The following DOK5 variants were observed in gnomAD, a reference collection of about 807,000 sequenced individuals.
The protein encoded by DOK5 is downstream of tyrosine kinase 5.
Under a neutral mutation model 43.3 loss-of-function variants are expected in DOK5, and 27 were observed. The observed-to-expected ratio is 0.62, with a 90% CI of 0.46 to 0.86. The LOEUF (loss-of-function observed/expected upper bound fraction) is 0.86. Ranked by LOEUF, DOK5 falls within the 40% of genes least tolerant of loss-of-function variation. DOK5 has a pLI of 0.00. For synonymous variants in DOK5, 146 were observed against 140.1 expected, an observed-to-expected ratio of 1.04 and a Z score of -0.30; for missense variants, 373 against 392.9, an observed-to-expected ratio of 0.95 and a Z score of 0.43.
chr20:54,540,132 A>C (rs1007921349), intron 1 of DOK5, among the ~76,000 whole-genome samples: 1 of 151,914 alleles, frequency 6.6e-6, no homozygotes, highest in African/African-American at 2.4e-5. Flanking sequence ...TGGAAGCCCC[A>C]GGGAGATCAT....
At chr20:54,601,616 G>A (rs1409220067) in intron 5 of DOK5, among the ~76,000 whole-genome samples, 1 of 152,220 alleles carries the variant, frequency 6.6e-6, no homozygotes, top group African/African-American at 2.4e-5. Context: ...AAGTGATAGC[G>A]AAGGTCTCTG....
intron 1 of DOK5, among the ~76,000 whole-genome samples, chr20:54,553,896 C>CA (rs761243905): frequency 0.11 from 8,696 of 79,928 alleles, 455 homozygotes; most frequent in African/African-American, 0.14. Context: ...GACTCTGTCT[C>CA]AAAAAAAAAA....
chr20:54,475,982 G>A lies in DOK5; in HGVS notation c.36G>A (p.Gly12=), dbSNP rs1378890454. 1 of 1,613,526 alleles carries A rather than the reference G, an allele frequency of 6.2e-7. No individual in the cohort carries two copies. The highest frequency in any genetic ancestry group is 8.5e-7 in the Non-Finnish European group (1 of 1,179,950). ...ASNFNDIVKQ[G]YVRIRSRRLG... The stretch of plus-strand genomic sequence containing the variant: ...ATTTTAATGACATAGTGAAGCAAGG[G>A]TACGTGAGGATCCGGAGCAGACGCC... Residue 12 remains glycine, a synonymous_variant, in exon 1 of 8, where the codon GGG becomes GGA. Transcript: ENST00000262593. This position sits in a 1 kb window ranked among gnomAD's most constrained non-coding sequence, Gnocchi z 4.2.
chr20:54,516,550 G>T (rs138951110), intron 1 of DOK5, among the ~76,000 whole-genome samples: 2 of 152,136 alleles, frequency 1.3e-5, no homozygotes, highest in Non-Finnish European at 2.9e-5. Context: ...TATCTGAACT[G>T]TGTGTTCCCC....
At chr20:54,516,559 C>G (rs185646758) in intron 1 of DOK5, among the ~76,000 whole-genome samples, 90 of 152,214 alleles carry the variant, frequency 5.9e-4, no homozygotes, top group African/African-American at 2.1e-3. Flanking sequence ...TGTGTGTTCC[C>G]CTTATAACAT....
At chr20:54,539,743 C>T (rs1240469765) in intron 1 of DOK5, among the ~76,000 whole-genome samples, 1 of 152,128 alleles carries the variant, frequency 6.6e-6, no homozygotes, top group Non-Finnish European at 1.5e-5. Flanking sequence ...GTGAATGAAC[C>T]CAGCCATGAT....
At chr20:54,609,833 G>GA (rs970838435) in intron 5 of DOK5, among the ~76,000 whole-genome samples, 6 of 151,240 alleles carry the variant, frequency 4.0e-5, no homozygotes, top group East Asian at 1.9e-4. Context: ...CATGCTCATT[G>GA]AAAAAAAAAT....
At position 54,513,806 on chromosome 20, in the gene DOK5, A is replaced by C. The variant is rs1983098942; in HGVS notation, c.66+37794A>C. ...ATTTTTCAGGAGAAGAATTTTGAAT[A>C]AATGAATAAATACGAGAACAGTTTT... On this transcript the variant is annotated intron_variant, in intron 1 of 7. Coordinates refer to ENST00000262593, the MANE Select transcript of DOK5 (RefSeq NM_018431.5). Among the ~76,000 whole-genome samples, 3 of 152,244 alleles carry C rather than the reference A, an allele frequency of 2.0e-5. 1 individual carries two copies. The South Asian group carries it at 6.2e-4, about 31-fold the overall frequency.
At chr20:54,576,028 G>T (rs916262757) in intron 2 of DOK5, among the ~76,000 whole-genome samples, 89 of 152,118 alleles carry the variant, frequency 5.9e-4, no homozygotes, top group Non-Finnish European at 1.6e-4. Flanking sequence ...AGTTCCTGGA[G>T]AAACGATCAG....
intron 2 of DOK5, among the ~76,000 whole-genome samples, chr20:54,582,240 T>C (rs1445636310): frequency 1.3e-5 from 2 of 151,960 alleles, no homozygotes; most frequent in East Asian, 1.9e-4. Flanking sequence ...CCATTTAATA[T>C]GCTGCTGAAT....
At chr20:54,504,949 C>T (rs959789723) in intron 1 of DOK5, among the ~76,000 whole-genome samples, 2 of 152,092 alleles carry the variant, frequency 1.3e-5, no homozygotes, top group African/African-American at 4.8e-5. Flanking sequence ...GGCAGACCTA[C>T]TAACTGTGGA....
At chr20:54,647,496 A>G (rs938472568) in intron 7 of DOK5, among the ~76,000 whole-genome samples, 73 of 149,762 alleles carry the variant, frequency 4.9e-4, no homozygotes, top group Admixed American at 9.9e-4. Flanking sequence ...CAAGAGTGAA[A>G]CTCTGTCTCA....
intron 1 of DOK5, among the ~76,000 whole-genome samples, chr20:54,500,208 C>T (rs2146677246): frequency 6.6e-6 from 1 of 152,224 alleles, no homozygotes; most frequent in Admixed American, 6.5e-5. Context: ...TTTGAGCACT[C>T]TTTGTGGGTT....
At chr20:54,562,396 T>G (rs550809290) in intron 2 of DOK5, among the ~76,000 whole-genome samples, 29 of 152,282 alleles carry the variant, frequency 1.9e-4, no homozygotes, top group African/African-American at 5.8e-4. Context: ...ACAGAGATAA[T>G]GACATCATAT....
At chr20:54,573,541 G>C (rs1271165026) in intron 2 of DOK5, among the ~76,000 whole-genome samples, 1 of 151,912 alleles carries the variant, frequency 6.6e-6, no homozygotes, top group Non-Finnish European at 1.5e-5. Context: ...CAAAAAATTA[G>C]CTGGGTGTGG....
chr20:54,642,568 A>AAG (rs1979176732), intron 6 of DOK5, among the ~76,000 whole-genome samples: 1 of 149,838 alleles, frequency 6.7e-6, no homozygotes, highest in Non-Finnish European at 1.5e-5. Context: ...AAAAAAAAAA[A>AAG]GAAAAATTAG....
At chr20:54,527,603 T>C (rs726770) in intron 1 of DOK5, among the ~76,000 whole-genome samples, 34,670 of 152,078 alleles carry the variant, frequency 0.23, 6,330 homozygotes, top group African/African-American at 0.52. Flanking sequence ...AGTTGCTTCC[T>C]TAAGAATAAA....
chr20:54,583,053 C>T (rs1005944894), intron 2 of DOK5, among the ~76,000 whole-genome samples: 25 of 152,060 alleles, frequency 1.6e-4, no homozygotes, highest in African/African-American at 5.3e-4. Flanking sequence ...ACACAAATTT[C>T]GGTATGCTGT....
intron 2 of DOK5, among the ~76,000 whole-genome samples, chr20:54,587,899 A>G (rs1302306687): frequency 6.6e-6 from 1 of 152,196 alleles, no homozygotes; most frequent in Non-Finnish European, 1.5e-5. Context: ...AACCAAATTC[A>G]TTATGTACTT....
Sources: gnomAD v4.1 joint callset for allele counts (sites outside exome capture counted in the v4.1 genomes callset) on GRCh38, gnomAD v4.1.1 for gene constraint, Gnocchi (gnomAD v3.1) non-coding constraint, MANE v1.5 for transcripts, NCBI Gene and HGNC (gene_info 2026-07-23, HGNC 2026-07-21) for gene names.